NUP58: variants seen among roughly 807,000 people sequenced by gnomAD.
NUP58 encodes the protein nucleoporin 58, also known as nucleoporin p58/p45.
In NUP58, 17 loss-of-function variants were observed where a neutral mutation model predicts 70.1. The observed-to-expected ratio is 0.24, with a 90% confidence interval of 0.17 to 0.36. The LOEUF (loss-of-function observed/expected upper bound fraction) is 0.36. Among genes scored for constraint, NUP58 ranks in the 10% least tolerant of loss-of-function variants. The pLI, the probability that NUP58 is intolerant of heterozygous loss-of-function variation, is 1.00. For synonymous variants in NUP58, 275 were observed against 257.6 expected (o/e 1.07, Z -0.65); for missense variants, 644 against 701.5 (o/e 0.92, Z 0.93).
intron 3 of NUP58, among the ~76,000 whole-genome samples, chr13:25,310,708 T>C (rs1460437628): frequency 6.6e-6 from 1 of 152,098 alleles, no homozygotes; most frequent in Non-Finnish European, 1.5e-5. Flanking sequence ...TTCAAAGCAC[T>C]GCACTCTGGC....
chr13:25,327,383 CTA>C, intron 11 of NUP58, 45 bp from the exon 12 acceptor site: 1 of 1,212,650 alleles, frequency 8.2e-7, no homozygotes, highest in Non-Finnish European at 1.2e-6. Flanking sequence ...ATGGATTGTG[CTA>C]TATATATGTA....
Position 25,335,100 on chromosome 13 carries a change from A to G in NUP58, c.1436-1836A>G, listed in dbSNP as rs765392865. Reference sequence around the variant, plus strand: ...TTATCATGAGTTTTTACTATTAAAAAATGTTATACATTTGCCTACGAGTTT... The same window carrying G: ...TTATCATGAGTTTTTACTATTAAAAGATGTTATACATTTGCCTACGAGTTT... On this transcript the variant is annotated intron_variant, in intron 13 of 15. Coordinates refer to ENST00000381736, the MANE Select transcript of NUP58 (RefSeq NM_014089.4). The G allele has an allele frequency of 1.5e-5, 15 of 985,142 alleles. No homozygotes were observed. In the Admixed American group the frequency reaches 1.8e-4, roughly 12 times the overall value. The allele number at this position is 985,142 out of a possible 1,614,324, so 61.0% of individuals were successfully genotyped here.
chr13:25,308,367 C>T (rs536760972), intron 2 of NUP58, among the ~76,000 whole-genome samples: 2 of 152,146 alleles, frequency 1.3e-5, no homozygotes, highest in South Asian at 4.1e-4. Context: ...GTGGCATGAT[C>T]ATGGCTCACT....
At chr13:25,309,212 T>G in intron 2 of NUP58, 35 bp from the exon 3 acceptor site, 1 of 1,514,550 alleles carries the variant, frequency 6.6e-7, no homozygotes, top group Non-Finnish European at 9.2e-7. Context: ...TCATCTTCAT[T>G]GATGATTAAA....
At chr13:25,311,749 A>G (rs2030679186) in intron 3 of NUP58, among the ~76,000 whole-genome samples, 1 of 151,306 alleles carries the variant, frequency 6.6e-6, no homozygotes, top group Non-Finnish European at 1.5e-5. Flanking sequence ...GACTGATACC[A>G]GAGAAATAAA....
At chr13:25,325,128 A>T in intron 10 of NUP58, 60 bp downstream of exon 10, 1 of 1,155,936 alleles carries the variant, frequency 8.7e-7, no homozygotes, top group Admixed American at 2.0e-5. Context: ...GAACAGTAAT[A>T]ATAGTATACA....
chr13:25,325,185 C>A, intron 10 of NUP58, 117 bp downstream of exon 10: 1 of 691,938 alleles, frequency 1.4e-6, no homozygotes, highest in Non-Finnish European at 2.4e-6. Context: ...AGCCAATAAG[C>A]ACTTTACATG....
chr13:25,301,928 ACCCCCG>A, intron 1 of NUP58, 48 bp downstream of exon 1: 3 of 1,087,064 alleles, frequency 2.8e-6, no homozygotes, highest in Non-Finnish European at 3.8e-6. Flanking sequence ...CCCCACCCCC[ACCCCCG>A]CAAAGCTCCC....
chr13:25,331,483 C>T lies in NUP58; in HGVS notation c.1360C>T (p.Pro454Ser). 1 of 1,614,166 alleles carries T rather than the reference C, an allele frequency of 6.2e-7. No individual in the cohort carries two copies. The highest frequency in any genetic ancestry group is 8.5e-7 in the Non-Finnish European group (1 of 1,180,034). ...ACCCAGAGTTACTACTGGACCCACTCCTTTCAGCACCATGCCAAACGCAGC... is the reference window on the plus strand; with the variant it reads ...ACCCAGAGTTACTACTGGACCCACTTCTTTCAGCACCATGCCAAACGCAGC... ...NTPRVTTGPT[P>S]FSTMPNAAAV... is the part of the protein sequence containing the mutation. Residue 454 changes from proline to serine, a missense_variant, in exon 13 of 16, where the codon CCT becomes TCT. Pro to Ser is a moderately conservative substitution (Grantham distance 74). This residue lies in a region of NUP58 where 132 missense variants were observed against 203.9 expected (regional missense o/e 0.65). Transcript: ENST00000381736.
intron 9 of NUP58, 22 bp downstream of exon 9, chr13:25,321,115 T>G (rs1329277046): frequency 6.5e-7 from 1 of 1,550,216 alleles, no homozygotes; most frequent in African/African-American, 1.4e-5. Context: ...TATGGCCATT[T>G]TACCGTAGGG....
intron 1 of NUP58, among the ~76,000 whole-genome samples, chr13:25,307,450 G>T (rs2030425843): frequency 6.6e-6 from 1 of 152,042 alleles, no homozygotes; most frequent in Non-Finnish European, 1.5e-5. Context: ...TCCTGACCTT[G>T]TGATCCACCT....
In NUP58 at chr13:25,303,348, A is replaced by G. The variant is rs144861444; in HGVS notation, c.107+1468A>G. Among the ~76,000 whole-genome samples the G allele has an allele frequency of 7.6e-3, 1,156 of 152,244 alleles. 17 individuals are homozygous for G. The highest frequency in any genetic ancestry group is 0.027 in the African/African-American group (1,102 of 41,514). On this transcript the variant is annotated intron_variant, in intron 1 of 15. Transcript: ENST00000381736. ...ATTTTAGCTATGCAGACCCACTGTTAAAAACAAACACACAACTACCACCCT... is the reference window on the plus strand; with the variant it reads ...ATTTTAGCTATGCAGACCCACTGTTGAAAACAAACACACAACTACCACCCT...
At chr13:25,319,487 A>C in intron 7 of NUP58, 137 bp downstream of exon 7, 1 of 695,760 alleles carries the variant, frequency 1.4e-6, no homozygotes, top group South Asian at 1.8e-5. Context: ...ATTCGTTAAA[A>C]GTAAAATAAT....
At chr13:25,324,899 C>G (rs1593191039) in intron 9 of NUP58, 90 bp from the exon 10 acceptor site, 2 of 841,202 alleles carry the variant, frequency 2.4e-6, no homozygotes, top group Middle Eastern at 7.1e-4. Flanking sequence ...AAGTTTCAGT[C>G]CAGAGACTGA....
chr13:25,309,317 G>T, intron 3 of NUP58, 35 bp downstream of exon 3: 2 of 1,506,110 alleles, frequency 1.3e-6, no homozygotes, highest in Non-Finnish European at 1.8e-6. Context: ...CAGCTCTGTG[G>T]TCTTCTAATA....
At chr13:25,344,015 A>T, downstream of NUP58, among the ~76,000 whole-genome samples, 1 of 151,960 alleles carries the variant, frequency 6.6e-6, no homozygotes, top group East Asian at 1.9e-4. Context: ...CTATACAAAT[A>T]TATACTCCTA....
chr13:25,310,032 G>T, intron 3 of NUP58: 1 of 397,852 alleles, frequency 2.5e-6, no homozygotes, highest in Non-Finnish European at 5.0e-6. Flanking sequence ...GAATCTTCTT[G>T]TTTTCTTTTT....
In NUP58 at chr13:25,313,468, C is replaced by A. The variant is rs547727056; in HGVS notation, c.437-146C>A. ...TTTGAAGCTGCTATTTCTCTTTATT[C>A]TTAAGTATGTAATTTTTAGCAAGTA... On this transcript the variant is annotated intron_variant, in intron 4 of 15. Transcript: ENST00000381736. 2.8e-4 allele frequency: 194 copies of A among 694,030 alleles called. 1 individual carries two copies. Among genetic ancestry groups the A allele is most frequent in the Non-Finnish European group, 4.0e-4 (176 of 444,628 alleles). 43.0% of individuals were successfully genotyped at this position (694,030 alleles called of 1,614,324 possible).
chr13:25,305,297 ATTGGCACGCCTGGCTAATTTTTGTTTT>A (rs2030291806), intron 1 of NUP58, among the ~76,000 whole-genome samples: 1 of 151,632 alleles, frequency 6.6e-6, no homozygotes, highest in African/African-American at 2.4e-5. Context: ...TCAGGTGTGC[ATTGGCACGCCTGGCTAATTTTTGTTTT>A]TTGGAAGTTT....
Sources: gnomAD v4.1 joint callset for allele counts (sites outside exome capture counted in the v4.1 genomes callset) on GRCh38, gnomAD v4.1.1 for gene constraint, gnomAD v4.1.1 regional missense constraint, MANE v1.5 for transcripts, NCBI Gene and HGNC (gene_info 2026-07-23, HGNC 2026-07-21) for gene names.